The following ROR1 variants were observed in gnomAD, a reference collection of about 807,000 sequenced individuals.
ROR1 encodes the protein inactive tyrosine-protein kinase transmembrane receptor ROR1.
A neutral mutation model predicts 78.8 loss-of-function variants in ROR1; 19 were observed. The ratio of observed to expected loss-of-function variants is 0.24; its 90% CI spans 0.17 to 0.35. The LOEUF (loss-of-function observed/expected upper bound fraction) is 0.35. ROR1 is among the 10% of genes least tolerant of loss of function. The probability of loss-of-function intolerance (pLI) is 1.00; values close to 1 mark genes in which losing one functional copy is unlikely to be tolerated. For synonymous variants in ROR1, 386 were observed against 433.6 expected, an observed-to-expected ratio of 0.89 and a Z score of 1.36; for missense variants, 917 against 1,177.8, an observed-to-expected ratio of 0.78 and a Z score of 3.24.
intron 1 of ROR1, among the ~76,000 whole-genome samples, chr1:63,829,382 G>A (rs1029498627): frequency 1.3e-5 from 2 of 152,240 alleles, no homozygotes; most frequent in African/African-American, 4.8e-5. Flanking sequence ...GGGAATGCGG[G>A]TGATAGGGAT....
At chr1:64,130,106 A>G (rs1648859529) in intron 4 of ROR1, among the ~76,000 whole-genome samples, 1 of 152,196 alleles carries the variant, frequency 6.6e-6, no homozygotes, top group East Asian at 1.9e-4. Context: ...CCAAATTGTC[A>G]CTGACCAGAT....
At chr1:63,924,893 C>T (rs556300425) in intron 1 of ROR1, among the ~76,000 whole-genome samples, 43 of 143,448 alleles carry the variant, frequency 3.0e-4, no homozygotes, top group African/African-American at 9.1e-4. Flanking sequence ...CCCTTGAGAA[C>T]GGTGGAAGGT....
chr1:63,894,478 C>T (rs1054700828), intron 1 of ROR1, among the ~76,000 whole-genome samples: 5 of 151,846 alleles, frequency 3.3e-5, no homozygotes, highest in Non-Finnish European at 7.4e-5. Flanking sequence ...ATTCCTCATA[C>T]ATAGACATAT....
chr1:63,808,018 G>T (rs923734439), intron 1 of ROR1, among the ~76,000 whole-genome samples: 2 of 152,028 alleles, frequency 1.3e-5, no homozygotes, highest in African/African-American at 4.8e-5. Flanking sequence ...ATTAATAGTA[G>T]TTTTCCCTCT....
intron 1 of ROR1, among the ~76,000 whole-genome samples, chr1:63,958,077 T>A (rs950786908): frequency 6.6e-6 from 1 of 152,166 alleles, no homozygotes; most frequent in Non-Finnish European, 1.5e-5. Flanking sequence ...TTGCAGCACT[T>A]ACCACAATTC....
intron 4 of ROR1, among the ~76,000 whole-genome samples, chr1:64,092,093 TTCCCTCCCTCCCTCCC>T (rs60543147): frequency 4.2e-5 from 5 of 118,504 alleles, no homozygotes; most frequent in Non-Finnish European, 8.4e-5. Flanking sequence ...GATGTAATTC[TTCCCTCCCTCCCTCCC>T]TCCCTCCCTC....
At chr1:63,928,836 G>C (rs970382296) in intron 1 of ROR1, among the ~76,000 whole-genome samples, 1 of 151,944 alleles carries the variant, frequency 6.6e-6, no homozygotes, top group Non-Finnish European at 1.5e-5. Flanking sequence ...TGAGTCCTTG[G>C]GATAACCCTC....
At chr1:64,113,329 G>C (rs981489298) in intron 4 of ROR1, among the ~76,000 whole-genome samples, 1 of 152,216 alleles carries the variant, frequency 6.6e-6, no homozygotes, top group Non-Finnish European at 1.5e-5. Context: ...TATGGAAAGA[G>C]TGAATCAGTG....
chr1:64,044,279 C>T (rs1646767236), intron 2 of ROR1, among the ~76,000 whole-genome samples: 2 of 152,168 alleles, frequency 1.3e-5, no homozygotes, highest in East Asian at 1.9e-4. Context: ...CAGCGCTGGG[C>T]TTGGTGTCCA....
chr1:63,820,537 CT>C (rs924589560), intron 1 of ROR1, among the ~76,000 whole-genome samples: 1 of 152,042 alleles, frequency 6.6e-6, no homozygotes. Flanking sequence ...ATTTTGCCTT[CT>C]TTTTTTTCTC....
chr1:64,081,389 C>T (rs536407587), intron 4 of ROR1, among the ~76,000 whole-genome samples: 1 of 152,194 alleles, frequency 6.6e-6, no homozygotes, highest in African/African-American at 2.4e-5. Flanking sequence ...TTAAATATGA[C>T]ACATTTATAG....
At chr1:64,026,979 T>C (rs1384555696) in intron 2 of ROR1, among the ~76,000 whole-genome samples, 1 of 152,218 alleles carries the variant, frequency 6.6e-6, no homozygotes, top group African/African-American at 2.4e-5. Flanking sequence ...AGTGTCATAA[T>C]ATATTAATAC....
chr1:63,988,095 C>CA lies in ROR1; in HGVS notation c.92-21202dup, dbSNP rs199806009. Among the ~76,000 whole-genome samples, 369 of 151,480 alleles carry CA rather than the reference C, an allele frequency of 2.4e-3. 2 individuals are homozygous for CA. Among genetic ancestry groups the CA allele is most frequent in the Admixed American group, 4.1e-3 (62 of 15,188 alleles). On this transcript the variant is annotated intron_variant, in intron 1 of 8. Transcript: ENST00000371079. ...TATAACAATGGAAGTCAGGAGTTTC[C>CA]AAAAAAAATAACAAATTGTTCCTCA...
rs193096880 is a variant in ROR1, at chr1:64,070,386, T to C, written c.482+19670T>C. 3.3e-5 allele frequency among the ~76,000 whole-genome samples: 5 copies of C among 152,318 alleles called. No homozygotes were observed. In the South Asian group the frequency reaches 6.2e-4, roughly 19 times the overall value. ...TTCTGTCACCTAGGCTGGAGTGCAGTGGTGCAATCATGGCTTACTGCAGCC... is the reference window on the plus strand; with the variant it reads ...TTCTGTCACCTAGGCTGGAGTGCAGCGGTGCAATCATGGCTTACTGCAGCC... On this transcript the variant is annotated intron_variant, in intron 4 of 8. Transcript: ENST00000371079.
chr1:64,084,922 G>A (rs946628236), intron 4 of ROR1, among the ~76,000 whole-genome samples: 4 of 152,174 alleles, frequency 2.6e-5, no homozygotes, highest in African/African-American at 9.7e-5. Flanking sequence ...TTGCAGGAAT[G>A]TCATGAGAAG....
intron 4 of ROR1, among the ~76,000 whole-genome samples, chr1:64,096,772 G>T (rs556760061): frequency 6.6e-6 from 1 of 152,190 alleles, no homozygotes; most frequent in Non-Finnish European, 1.5e-5. Context: ...TAATGGAATT[G>T]CTGAGTCTAA....
chr1:64,053,482 C>T (rs898324231), intron 4 of ROR1, among the ~76,000 whole-genome samples: 1 of 152,192 alleles, frequency 6.6e-6, no homozygotes, highest in Non-Finnish European at 1.5e-5. Flanking sequence ...ATTTAGGCTT[C>T]ATTTCTTCTG....
In ROR1 at chr1:63,823,784, G is replaced by A. The variant is rs1311804742; in HGVS notation, c.91+49276G>A. ...TTAAACTTTTTTTTTTTTTTGAGAC[G>A]AAGTCTCGATCTGTCGCCCAGGGTG... On this transcript the variant is annotated intron_variant, in intron 1 of 8. Coordinates refer to ENST00000371079, the MANE Select transcript of ROR1 (RefSeq NM_005012.4). 5.4e-5 allele frequency among the ~76,000 whole-genome samples: 8 copies of A among 149,002 alleles called. No homozygotes were observed. The East Asian group carries it at 9.9e-4, about 18-fold the overall frequency.
intron 1 of ROR1, among the ~76,000 whole-genome samples, chr1:63,824,851 G>A (rs1039039883): frequency 3.3e-5 from 5 of 151,926 alleles, no homozygotes; most frequent in African/African-American, 1.2e-4. Flanking sequence ...TGTATATATA[G>A]GGCTTACGTA....
Sources: allele counts gnomAD v4.1 joint callset (sites outside exome capture counted in the v4.1 genomes callset), GRCh38; gene constraint gnomAD v4.1.1; transcripts MANE v1.5; gene names NCBI Gene and HGNC (gene_info 2026-07-23, HGNC 2026-07-21).